Variants in AFF4 observed in about 807,000 individuals in gnomAD.
The protein encoded by AFF4 is ALF transcription elongation factor 4, also known as AF4/FMR2 family member 4.
A neutral mutation model predicts 124.8 loss-of-function variants in AFF4; 13 were observed. That is an observed-to-expected ratio of 0.10 (90% CI 0.07 to 0.17). The LOEUF (loss-of-function observed/expected upper bound fraction) is 0.17, where lower values mean the gene tolerates loss of function less well. Ranked by LOEUF, AFF4 falls within the 10% of genes least tolerant of loss-of-function variation. The probability of loss-of-function intolerance (pLI) is 1.00; values close to 1 mark genes in which losing one functional copy is unlikely to be tolerated. For synonymous variants in AFF4, 477 were observed against 496.1 expected (o/e 0.96, Z 0.51); for missense variants, 1,092 against 1,403.8 (o/e 0.78, Z 3.55).
At chr5:132,900,985 C>A (rs1760536893) in intron 7 of AFF4, 1 of 985,196 alleles carries the variant, frequency 1.0e-6, no homozygotes, top group African/African-American at 1.7e-5. Flanking sequence ...TATATCTGAC[C>A]CTAAGTTCAA....
rs77533600 is a variant in AFF4 at position 132,962,374 on chromosome 5, G to A, written c.-5+885C>T. On this transcript the variant is annotated intron_variant, in intron 1 of 20. Coordinates refer to ENST00000265343, the MANE Select transcript of AFF4 (RefSeq NM_014423.4). ...TTAGTATAAAATTTCCATGTGGCCA[G>A]CAGGGAAGAAACCGCATAATTCTGA... 9.1e-3 allele frequency among the ~76,000 whole-genome samples: 1,386 copies of A among 152,276 alleles called. 15 individuals are homozygous for A. The highest frequency in any genetic ancestry group is 0.028 in the African/African-American group (1,179 of 41,544).
intron 7 of AFF4, chr5:132,901,085 T>G (rs1219903734): frequency 2.0e-6 from 2 of 985,358 alleles, no homozygotes; most frequent in Non-Finnish European, 2.4e-6. Context: ...AAAAAGAGTT[T>G]TCTTTCAGAC....
At chr5:132,949,915 T>C (rs531576579) in intron 1 of AFF4, among the ~76,000 whole-genome samples, 1 of 150,938 alleles carries the variant, frequency 6.6e-6, no homozygotes, top group Admixed American at 6.6e-5. Flanking sequence ...TCCTCGCTAC[T>C]TGGAGACTGA....
At chr5:132,922,236 G>A (rs1761064544) in intron 5 of AFF4, among the ~76,000 whole-genome samples, 1 of 152,056 alleles carries the variant, frequency 6.6e-6, no homozygotes, top group Non-Finnish European at 1.5e-5. Context: ...TGAGCAATGT[G>A]GCAAAACCTC....
intron 9 of AFF4, among the ~76,000 whole-genome samples, 154 bp downstream of exon 9, chr5:132,898,950 C>T (rs2150074622): frequency 6.6e-6 from 1 of 152,294 alleles, no homozygotes; most frequent in South Asian, 2.1e-4. Context: ...ACAAAACACC[C>T]ACTTTAAGTG....
chr5:132,934,433 T>C lies in AFF4; in HGVS notation c.632A>G (p.Lys211Arg), dbSNP rs771991464. The part of the protein sequence containing the change: ...DHHSKEHQRS[K>R]SPRDPDANWD... Reference sequence around the variant, plus strand: ...GTTTGCATCAGGGTCCCGAGGTGATTTGGAGCGTTGATGTTCCTTGCTATG... The same window carrying C: ...GTTTGCATCAGGGTCCCGAGGTGATCTGGAGCGTTGATGTTCCTTGCTATG... Residue 211 changes from lysine (K) to arginine (R), a missense_variant, in exon 3 of 21, where the codon AAA becomes AGA. Physicochemically the swap from Lys to Arg is conservative, Grantham distance 26. This residue lies in a region of AFF4 where 188 missense variants were observed against 203.0 expected (regional missense o/e 0.93). Coordinates refer to ENST00000265343, the MANE Select transcript of AFF4 (RefSeq NM_014423.4). The C allele has an allele frequency of 9.9e-6, 16 of 1,614,008 alleles. No homozygotes were observed. Among genetic ancestry groups the C allele is most frequent in the African/African-American group, 5.3e-5 (4 of 74,904 alleles).
intron 6 of AFF4, among the ~76,000 whole-genome samples, chr5:132,902,782 A>G (rs1034155805): frequency 5.3e-5 from 8 of 152,234 alleles, no homozygotes; most frequent in African/African-American, 1.9e-4. Flanking sequence ...AATTCCAATG[A>G]AAGGAATTTA....
At chr5:132,942,589 C>T (rs914393991) in intron 1 of AFF4, among the ~76,000 whole-genome samples, 3 of 151,984 alleles carry the variant, frequency 2.0e-5, no homozygotes, top group African/African-American at 2.4e-5. Flanking sequence ...CTCAACCTCC[C>T]GAGTAGCTGG....
intron 4 of AFF4, among the ~76,000 whole-genome samples, chr5:132,930,311 G>A (rs1761269194): frequency 1.3e-5 from 2 of 152,118 alleles, no homozygotes; most frequent in Non-Finnish European, 2.9e-5. Context: ...ACAAGAGAAG[G>A]CACAAGGGTT....
At chr5:132,960,046 C>T (rs1393366112) in intron 1 of AFF4, among the ~76,000 whole-genome samples, 5 of 152,094 alleles carry the variant, frequency 3.3e-5, no homozygotes, top group Non-Finnish European at 5.9e-5. Flanking sequence ...TAAGCCACTG[C>T]GCCTGGCCAG....
At chr5:132,913,975 C>G (rs934247534) in intron 5 of AFF4, among the ~76,000 whole-genome samples, 1 of 152,144 alleles carries the variant, frequency 6.6e-6, no homozygotes, top group Admixed American at 6.5e-5. Context: ...CCCCTGTAAT[C>G]CCAGCACTTT....
intron 5 of AFF4, among the ~76,000 whole-genome samples, chr5:132,907,071 A>G (rs992079052): frequency 1.3e-5 from 2 of 152,212 alleles, no homozygotes; most frequent in Admixed American, 6.5e-5. Flanking sequence ...TTTGTCTTAT[A>G]TCTGACAATA....
chr5:132,901,216 A>G (rs1459561684), intron 7 of AFF4: 2 of 941,262 alleles, frequency 2.1e-6, no homozygotes, highest in African/African-American at 1.8e-5. Context: ...ACACATGTGA[A>G]TATGTCAAAG....
chr5:132,936,664 G>A lies in AFF4; in HGVS notation c.123+403C>T, dbSNP rs12653694. ...TTAATTCAAAATTCAGAATGGTGAA[G>A]TACCCGCCGATGGTTAGTAGCACAA... On this transcript the variant is annotated intron_variant, in intron 2 of 20. Coordinates refer to ENST00000265343, the MANE Select transcript of AFF4 (RefSeq NM_014423.4). Among the ~76,000 whole-genome samples the A allele has an allele frequency of 4.2e-3, 638 of 152,270 alleles. 28 individuals are homozygous for A. The East Asian group carries it at 0.098, about 23-fold the overall frequency.
intron 4 of AFF4, among the ~76,000 whole-genome samples, chr5:132,930,023 G>A (rs1278534265): frequency 6.6e-6 from 1 of 152,170 alleles, no homozygotes; most frequent in Non-Finnish European, 1.5e-5. Context: ...GAAGAAATTA[G>A]AGATATTTAG....
intron 5 of AFF4, among the ~76,000 whole-genome samples, chr5:132,908,788 T>TTTTTTTA (rs367793390): frequency 6.8e-6 from 1 of 147,182 alleles, no homozygotes; most frequent in African/African-American, 2.5e-5. Context: ...TTTTTTTTTT[T>TTTTTTTA]GAGACGGAAT....
intron 5 of AFF4, among the ~76,000 whole-genome samples, chr5:132,917,827 C>T (rs1181221589): frequency 6.8e-6 from 1 of 148,014 alleles, no homozygotes; most frequent in Non-Finnish European, 1.5e-5. Context: ...ATCCTCTTGC[C>T]TCAGCCTCCC....
intron 4 of AFF4, among the ~76,000 whole-genome samples, chr5:132,928,984 AT>A (rs1561499486): frequency 6.6e-6 from 1 of 152,192 alleles, no homozygotes. Flanking sequence ...AAGGCATAAC[AT>A]TATGACCACT....
At chr5:132,889,586 G>A (rs1042331046) in intron 13 of AFF4, among the ~76,000 whole-genome samples, 2 of 152,142 alleles carry the variant, frequency 1.3e-5, no homozygotes, top group African/African-American at 2.4e-5. Context: ...AGTTAACTAA[G>A]TACTTAGCAT....
Sources: allele counts gnomAD v4.1 joint callset (sites outside exome capture counted in the v4.1 genomes callset), GRCh38; gene constraint gnomAD v4.1.1; regional missense constraint gnomAD v4.1.1; transcripts MANE v1.5; gene names NCBI Gene and HGNC (gene_info 2026-07-23, HGNC 2026-07-21).